FGF7: variants seen among roughly 807,000 people sequenced by gnomAD.
FGF7 encodes the protein fibroblast growth factor 7.
Under a neutral mutation model 20.5 loss-of-function variants are expected in FGF7, and 6 were observed. The observed-to-expected ratio is 0.29, with a 90% CI of 0.16 to 0.58. FGF7 has a LOEUF of 0.58. Ranked by LOEUF, FGF7 falls within the 20% of genes least tolerant of loss-of-function variation. The pLI is 0.90. For synonymous variants in FGF7, 64 were observed against 74.7 expected, an observed-to-expected ratio of 0.86 and a Z score of 0.74; for missense variants, 144 against 228.8, an observed-to-expected ratio of 0.63 and a Z score of 2.39.
At chr15:49,451,435 G>A (rs955340099) in intron 2 of FGF7, among the ~76,000 whole-genome samples, 2 of 151,970 alleles carry the variant, frequency 1.3e-5, no homozygotes, top group African/African-American at 4.8e-5. Flanking sequence ...TCTATGCATT[G>A]CTGACAGACA....
At chr15:49,427,821 C>G (rs1006667562) in intron 2 of FGF7, among the ~76,000 whole-genome samples, 1 of 151,680 alleles carries the variant, frequency 6.6e-6, no homozygotes, top group Non-Finnish European at 1.5e-5. Flanking sequence ...GTTTTGGGCT[C>G]GGGTAGATGG....
rs552913302 is a variant in FGF7, at chr15:49,448,035, C to T, written c.286+23452C>T. Among the ~76,000 whole-genome samples, 143 of 151,506 alleles carry T rather than the reference C, an allele frequency of 9.4e-4. 5 individuals carry two copies. In the South Asian group the frequency reaches 0.028, roughly 29 times the overall value. On this transcript the variant is annotated intron_variant, in intron 2 of 3. Transcript: ENST00000267843. ...GAGAGTTTGAAATTATTTTAATGTC[C>T]GAGAGCATATACAGATTTATAATCA...
chr15:49,449,636 T>A (rs2052539414), intron 2 of FGF7, among the ~76,000 whole-genome samples: 1 of 152,040 alleles, frequency 6.6e-6, no homozygotes, highest in African/African-American at 2.4e-5. Context: ...TTAAGGCAAA[T>A]ATGCCATACT....
At chr15:49,452,263 G>A (rs754169352) in intron 2 of FGF7, among the ~76,000 whole-genome samples, 4 of 152,084 alleles carry the variant, frequency 2.6e-5, no homozygotes, top group African/African-American at 4.8e-5. Flanking sequence ...GTGTTGGCCA[G>A]GATGGTCTCG....
chr15:49,468,349 A>G (rs2413958), intron 2 of FGF7, among the ~76,000 whole-genome samples: 104,738 of 151,964 alleles, frequency 0.69, 36,429 homozygotes, highest in East Asian at 0.92. Context: ...ATTTCATGCT[A>G]ATTTGAGGGG....
chr15:49,449,687 A>G (rs2052545330), intron 2 of FGF7, among the ~76,000 whole-genome samples: 1 of 152,028 alleles, frequency 6.6e-6, no homozygotes, highest in African/African-American at 2.4e-5. Context: ...TTTCAGATGA[A>G]TTGCTGCCAA....
intron 2 of FGF7, among the ~76,000 whole-genome samples, chr15:49,454,321 C>A (rs2053065188): frequency 6.6e-6 from 1 of 152,132 alleles, no homozygotes; most frequent in African/African-American, 2.4e-5. Flanking sequence ...TCTTTTCCCC[C>A]TTTCCAGTTT....
chr15:49,437,739 T>C (rs766783367), intron 2 of FGF7, among the ~76,000 whole-genome samples: 14 of 151,692 alleles, frequency 9.2e-5, no homozygotes, highest in African/African-American at 3.4e-4. Context: ...TATTATGTAC[T>C]GTGTATGCAC....
At chr15:49,440,115 G>A (rs879855751) in intron 2 of FGF7, among the ~76,000 whole-genome samples, 7 of 151,750 alleles carry the variant, frequency 4.6e-5, no homozygotes, top group African/African-American at 1.5e-4. Flanking sequence ...ATGACATCAC[G>A]AATTAGTGGC....
intron 2 of FGF7, among the ~76,000 whole-genome samples, chr15:49,447,949 T>C (rs1048989950): frequency 1.3e-5 from 2 of 151,756 alleles, no homozygotes; most frequent in Admixed American, 6.6e-5. Context: ...ATCTAGCTTT[T>C]ACTTCTGCAA....
intron 2 of FGF7, among the ~76,000 whole-genome samples, chr15:49,430,317 C>A (rs2050488948): frequency 6.6e-6 from 1 of 151,830 alleles, no homozygotes; most frequent in African/African-American, 2.4e-5. Context: ...ACTTGAAGTA[C>A]AGGCCTCAAT....
At position 49,424,392 on chromosome 15, in the gene FGF7, G is replaced by A; in HGVS notation, c.95G>A (p.Cys32Tyr). 1 of 1,613,618 alleles carries A rather than the reference G, an allele frequency of 6.2e-7. No individual in the cohort carries two copies. Among genetic ancestry groups the A allele is most frequent in the Non-Finnish European group, 8.5e-7 (1 of 1,179,720 alleles). ...ICLVGTISLA[C>Y]NDMTPEQMAT... ...CTAGTGGGTACTATATCTTTAGCTTGCAATGACATGACTCCAGAGCAAATG... is the reference window on the plus strand; with the variant it reads ...CTAGTGGGTACTATATCTTTAGCTTACAATGACATGACTCCAGAGCAAATG... The change falls in exon 2 of 4, where the codon TGC (cysteine) becomes TAC (tyrosine). Residue 32 changes from cysteine (C) to tyrosine (Y), a missense_variant. Around this residue, in one of 2 missense-constraint regions of FGF7, gnomAD observed 88 missense variants for 103.4 expected, o/e 0.85. Coordinates refer to ENST00000267843, the MANE Select transcript of FGF7 (RefSeq NM_002009.4).
At chr15:49,454,878 G>C (rs574867219) in intron 2 of FGF7, among the ~76,000 whole-genome samples, 70 of 152,242 alleles carry the variant, frequency 4.6e-4, no homozygotes, top group African/African-American at 1.5e-3. Context: ...CAAAGTGCTG[G>C]GATTACAGGT....
chr15:49,423,912 C>A, intron 1 of FGF7, 120 bp from the exon 2 acceptor site: 1 of 162,714 alleles, frequency 6.1e-6, no homozygotes, highest in East Asian at 1.7e-4. Context: ...TTAAATGTAT[C>A]TTCAAAGAAT....
In FGF7 at chr15:49,466,231, G is replaced by A. The variant is rs193185337; in HGVS notation, c.287-16920G>A. On this transcript the variant is annotated intron_variant, in intron 2 of 3. Coordinates refer to ENST00000267843, the MANE Select transcript of FGF7 (RefSeq NM_002009.4). ...TGTTGGATCAGACTTTCTGAGGAACGGGAACTGGAAACCTGAAAATCTTTT... is the reference window on the plus strand; with the variant it reads ...TGTTGGATCAGACTTTCTGAGGAACAGGAACTGGAAACCTGAAAATCTTTT... Among the ~76,000 whole-genome samples the A allele has an allele frequency of 1.4e-3, 208 of 152,272 alleles. No homozygotes were observed. The South Asian group carries it at 0.019, about 14-fold the overall frequency.
In FGF7 at chr15:49,488,005, C is replaced by T. The variant is rs1322664428; in HGVS notation, c.*3501C>T. The T allele has an allele frequency of 2.0e-5, 3 of 151,932 alleles. No individual in the cohort carries two copies. The highest frequency in any genetic ancestry group is 4.4e-5 in the Non-Finnish European group (3 of 67,898). 9.4% of individuals were successfully genotyped at this position (151,932 alleles called of 1,614,324 possible). ...AACACAAGGCTAAAGAAAACCAGAA[C>T]TCAAATTCACCACGCATAGGAGTGA... is the stretch of plus-strand genomic sequence containing the variant. On this transcript the variant is annotated 3_prime_UTR_variant, in exon 4 of 4. Coordinates refer to ENST00000267843, the MANE Select transcript of FGF7 (RefSeq NM_002009.4).
chr15:49,481,222 G>A (rs1359443928), intron 2 of FGF7, among the ~76,000 whole-genome samples: 2 of 152,140 alleles, frequency 1.3e-5, no homozygotes, highest in South Asian at 2.1e-4. Context: ...GGTAATTACA[G>A]TTTTTGTCAT....
chr15:49,459,165 G>A (rs566572688), intron 2 of FGF7, among the ~76,000 whole-genome samples: 3 of 151,736 alleles, frequency 2.0e-5, no homozygotes, highest in Non-Finnish European at 4.4e-5. Context: ...AAGAGTGTGC[G>A]TGTATGTTTC....
rs528885913 is a variant in FGF7, at chr15:49,426,930, T to G, written c.286+2347T>G. Among the ~76,000 whole-genome samples, 11 of 152,058 alleles carry G rather than the reference T, an allele frequency of 7.2e-5. No homozygotes were observed. In the South Asian group the frequency reaches 1.0e-3, roughly 14 times the overall value. On this transcript the variant is annotated intron_variant, in intron 2 of 3. Transcript: ENST00000267843. ...ATCCTTTAAGTAAACCCTAAAACTGTCGTAAGGTTATGTGGCTATCTTATT... is the reference window on the plus strand; with the variant it reads ...ATCCTTTAAGTAAACCCTAAAACTGGCGTAAGGTTATGTGGCTATCTTATT...
Sources: allele counts gnomAD v4.1 joint callset (sites outside exome capture counted in the v4.1 genomes callset), GRCh38; gene constraint gnomAD v4.1.1; regional missense constraint gnomAD v4.1.1; transcripts MANE v1.5; gene names NCBI Gene and HGNC (gene_info 2026-07-23, HGNC 2026-07-21).